Variants in PALM observed in about 807,000 individuals in gnomAD.
PALM encodes paralemmin, also known as paralemmin-1.
A neutral mutation model predicts 30.7 loss-of-function variants in PALM; 18 were observed. The ratio of observed to expected loss-of-function variants is 0.59; its 90% CI spans 0.41 to 0.87. The LOEUF (loss-of-function observed/expected upper bound fraction) is 0.87, where lower values mean the gene tolerates loss of function less well. Ranked by LOEUF, PALM falls within the 40% of genes least tolerant of loss-of-function variation. The pLI, the probability that PALM is intolerant of heterozygous loss-of-function variation, is 0.00. For synonymous variants in PALM, 286 were observed against 242.8 expected (o/e 1.18, Z -1.66); for missense variants, 529 against 555.4 (o/e 0.95, Z 0.48).
At chr19:738,406 A>G (rs1745034034) in intron 7 of PALM, among the ~76,000 whole-genome samples, 1 of 152,012 alleles carries the variant, frequency 6.6e-6, no homozygotes, top group Admixed American at 6.6e-5. Context: ...GGTGCCTGTA[A>G]TCCCAGCTGC....
intron 4 of PALM, among the ~76,000 whole-genome samples, chr19:729,607 A>G (rs1031884854): frequency 6.6e-6 from 1 of 151,322 alleles, no homozygotes; most frequent in African/African-American, 2.4e-5. Flanking sequence ...CTGGGATTAC[A>G]GGTGCCCGCC....
At chr19:726,361 C>A (rs1437085183) in intron 2 of PALM, among the ~76,000 whole-genome samples, 172 bp downstream of exon 2, 1 of 152,148 alleles carries the variant, frequency 6.6e-6, no homozygotes, top group Non-Finnish European at 1.5e-5. Context: ...AGTGGAGACC[C>A]CCTGAGTCGG....
chr19:731,001 CAAAA>C, intron 4 of PALM, 90 bp from the exon 5 acceptor site: 1 of 812,602 alleles, frequency 1.2e-6, no homozygotes, highest in Non-Finnish European at 1.9e-6. Context: ...GAATCTGTCT[CAAAA>C]AAAAGACACT....
chr19:744,188 C>A (rs2283588), intron 8 of PALM, among the ~76,000 whole-genome samples: 31,711 of 151,848 alleles, frequency 0.21, 4,417 homozygotes, highest in African/African-American at 0.38. Flanking sequence ...ATCACGAGGT[C>A]AGGAGATCGA....
chr19:731,320 C>G, intron 5 of PALM, 75 bp downstream of exon 5: 2 of 1,352,124 alleles, frequency 1.5e-6, no homozygotes, highest in Non-Finnish European at 2.0e-6. Flanking sequence ...CCCAGCCCTT[C>G]CATGTCAGCG....
At position 709,457 on chromosome 19, in the gene PALM, C is replaced by T. The variant is rs1206655042; in HGVS notation, c.5+306C>T. On this transcript the variant is annotated intron_variant, in intron 1 of 8. Coordinates refer to ENST00000338448, the MANE Select transcript of PALM (RefSeq NM_002579.3). This position sits in a 1 kb window ranked among gnomAD's most constrained non-coding sequence, Gnocchi z 4.3. ...GAGGCTCGCGTCTCCGCCCGCGCCC[C>T]GCCCGCGTCTCCAGGGCGAGCCTCG... is the stretch of plus-strand genomic sequence containing the variant. Among the ~76,000 whole-genome samples, 1 of 152,036 alleles carries T rather than the reference C, an allele frequency of 6.6e-6. No individual in the cohort carries two copies. The highest frequency in any genetic ancestry group is 1.9e-4 in the East Asian group (1 of 5,152).
rs374626144 is a variant in PALM, at chr19:746,824, C to T, written c.*10C>T. 2.4e-4 allele frequency: 351 copies of T among 1,492,384 alleles called. 4 individuals are homozygous for T. Among genetic ancestry groups the T allele is most frequent in the African/African-American group, 1.9e-3 (134 of 71,872 alleles). The allele number at this position is 1,492,384 out of a possible 1,614,324, so 92.4% of individuals were successfully genotyped here. ...CTGCTCCATCATGTGAGCCGGCCCCCGAGACCCCGGCCCCCACCCCACACC... is the reference window on the plus strand; with the variant it reads ...CTGCTCCATCATGTGAGCCGGCCCCTGAGACCCCGGCCCCCACCCCACACC... On this transcript the variant is annotated 3_prime_UTR_variant, in exon 9 of 9. Transcript: ENST00000338448. The surrounding 1 kb of genome is among the most constrained non-coding windows in gnomAD (Gnocchi z 7.1).
chr19:745,116 G>A (rs1490724526), intron 8 of PALM, among the ~76,000 whole-genome samples: 1 of 152,186 alleles, frequency 6.6e-6, no homozygotes. Context: ...GAAGGTGGAG[G>A]TTGCAGTGAA....
intron 1 of PALM, among the ~76,000 whole-genome samples, chr19:722,079 G>T (rs542230074): frequency 3.3e-5 from 5 of 150,858 alleles, no homozygotes; most frequent in East Asian, 3.9e-4. Flanking sequence ...CCACCACGCC[G>T]GGCTAATTTT....
chr19:723,632 C>T (rs1377826313), intron 1 of PALM, among the ~76,000 whole-genome samples: 2 of 81,578 alleles, frequency 2.5e-5, no homozygotes, highest in Non-Finnish European at 5.1e-5. Flanking sequence ...CGCTTTGTTG[C>T]CCTGGCTGGA....
chr19:745,355 C>G (rs1333576556), intron 8 of PALM, among the ~76,000 whole-genome samples: 1 of 152,160 alleles, frequency 6.6e-6, no homozygotes, highest in Non-Finnish European at 1.5e-5. Context: ...GGAAATGAAT[C>G]CCTACTTTTC....
chr19:709,858 G>A lies in PALM; in HGVS notation c.5+707G>A, dbSNP rs961387020. 6.6e-6 allele frequency among the ~76,000 whole-genome samples: 1 copy of A among 152,178 alleles called. No individual in the cohort carries two copies. The highest frequency in any genetic ancestry group is 6.5e-5 in the Admixed American group (1 of 15,294). Reference sequence around the variant, plus strand: ...CTCCACTGGTGTAGCTACAGGAGTGGGCTGGCCCTGGGCTGGGATCCCTGG... The same window carrying A: ...CTCCACTGGTGTAGCTACAGGAGTGAGCTGGCCCTGGGCTGGGATCCCTGG... On this transcript the variant is annotated intron_variant, in intron 1 of 8. Transcript: ENST00000338448. The surrounding 1 kb of genome is among the most constrained non-coding windows in gnomAD (Gnocchi z 4.3).
intron 1 of PALM, among the ~76,000 whole-genome samples, chr19:716,576 G>A (rs2032267830): frequency 6.6e-6 from 1 of 152,174 alleles, no homozygotes; most frequent in South Asian, 2.1e-4. Context: ...GGACCCTGAA[G>A]GCCGGGGAGG....
At chr19:744,374 T>C (rs2033275674) in intron 8 of PALM, among the ~76,000 whole-genome samples, 1 of 139,782 alleles carries the variant, frequency 7.2e-6, no homozygotes, top group African/African-American at 2.6e-5. Context: ...CACTCCAGCC[T>C]GGGCGACAGA....
chr19:730,690 G>A (rs2032842297), intron 4 of PALM, among the ~76,000 whole-genome samples: 1 of 152,082 alleles, frequency 6.6e-6, no homozygotes. Context: ...TCTTGGGGCT[G>A]CCTGGGAGCC....
intron 5 of PALM, among the ~76,000 whole-genome samples, chr19:732,064 C>A (rs912384173): frequency 2.0e-5 from 3 of 152,090 alleles, no homozygotes; most frequent in Non-Finnish European, 4.4e-5. Flanking sequence ...GCAGCCTCGA[C>A]TTCCCCAGCT....
intron 1 of PALM, among the ~76,000 whole-genome samples, chr19:723,463 C>G (rs568739541): frequency 2.6e-5 from 4 of 152,152 alleles, no homozygotes; most frequent in Non-Finnish European, 5.9e-5. Context: ...GGACACCCAC[C>G]GCCAACCCCT....
intron 1 of PALM, chr19:719,002 CACCCCACACCTCGCAGCCCCGCGTGACT>C: frequency 2.8e-6 from 1 of 354,620 alleles, no homozygotes; most frequent in Non-Finnish European, 3.9e-6. Flanking sequence ...GCTGCCCCCG[CACCCCACACCTCGCAGCCCCGCGTGACT>C]CCCCCACCCC....
intron 1 of PALM, among the ~76,000 whole-genome samples, chr19:720,712 C>G (rs899800153): frequency 5.9e-5 from 9 of 152,004 alleles, no homozygotes; most frequent in Non-Finnish European, 1.2e-4. Context: ...CCTGCCCGCC[C>G]GCCTGACATT....
Sources: gnomAD v4.1 joint callset for allele counts (sites outside exome capture counted in the v4.1 genomes callset) on GRCh38, gnomAD v4.1.1 for gene constraint, Gnocchi (gnomAD v3.1) non-coding constraint, MANE v1.5 for transcripts, NCBI Gene and HGNC (gene_info 2026-07-23, HGNC 2026-07-21) for gene names.